The following MFHAS1 variants were observed in gnomAD, a reference collection of about 807,000 sequenced individuals.
The protein encoded by MFHAS1 is multifunctional ROCO family signaling regulator 1, also known as malignant fibrous histiocytoma-amplified sequence 1.
MFHAS1 carries 50 observed loss-of-function variants against 70.4 expected under a neutral mutation model. The ratio of observed to expected loss-of-function variants is 0.71; its 90% CI spans 0.57 to 0.90. MFHAS1 has a LOEUF of 0.90. Ranked by LOEUF, MFHAS1 falls within the 40% of genes least tolerant of loss-of-function variation. The pLI is 0.00. For synonymous variants in MFHAS1, 952 were observed against 620.0 expected, an observed-to-expected ratio of 1.54 and a Z score of -7.96; for missense variants, 1,795 against 1,347.6, an observed-to-expected ratio of 1.33 and a Z score of -5.20.
chr8:8,812,823 G>C (rs1407995346), intron 1 of MFHAS1, among the ~76,000 whole-genome samples: 1 of 152,074 alleles, frequency 6.6e-6, no homozygotes, highest in Middle Eastern at 3.4e-3. Context: ...TTAGAGTGCA[G>C]TGGAGTGATC....
At chr8:8,787,303 A>G (rs928053533) in intron 2 of MFHAS1, among the ~76,000 whole-genome samples, 2 of 152,032 alleles carry the variant, frequency 1.3e-5, no homozygotes, top group South Asian at 2.1e-4. Flanking sequence ...GATGATCTTG[A>G]TCTCCTGACC....
At position 8,890,463 on chromosome 8, in the gene MFHAS1, T is replaced by C; in HGVS notation, c.2596A>G (p.Asn866Asp). ...GACTGCCCAGCTAGGTTGGTCCCATTAATCCAGGCTTCTGCATGGGGCACC... is the reference window on the plus strand; with the variant it reads ...GACTGCCCAGCTAGGTTGGTCCCATCAATCCAGGCTTCTGCATGGGGCACC... ...NEVPHAEAWINGTNLAGQSFV... is the reference protein window; with the variant it reads ...NEVPHAEAWIDGTNLAGQSFV... The change falls in exon 1 of 3, where the codon AAT becomes GAT. Residue 866 changes from asparagine (N) to aspartate (D), a missense_variant. By Grantham distance (23) the Asn-to-Asp change is conservative (BLOSUM62 1). Coordinates refer to ENST00000276282, the MANE Select transcript of MFHAS1 (RefSeq NM_004225.3). The C allele has an allele frequency of 6.2e-6, 10 of 1,613,952 alleles. No homozygotes were observed. Among genetic ancestry groups the C allele is most frequent in the Non-Finnish European group, 7.6e-6 (9 of 1,180,038 alleles).
At chr8:8,786,087 A>T (rs769014511) in intron 2 of MFHAS1, 32 bp from the exon 3 acceptor site, 2 of 1,605,346 alleles carry the variant, frequency 1.2e-6, no homozygotes, top group Admixed American at 1.7e-5. Flanking sequence ...AAGCACAGAG[A>T]TGACAAAAAC....
At position 8,891,026 on chromosome 8, in the gene MFHAS1, C is replaced by G. The variant is rs199638952; in HGVS notation, c.2033G>C (p.Arg678Pro). Reference protein sequence around the residue: ...ELHFQPPQAQRLWLSWWDSAR... With the variant: ...ELHFQPPQAQPLWLSWWDSAR... ...CGAGTCCCACCAGCTTAGCCACAGT[C>G]GCTGGGCCTGAGGTGGCTGGAAATG... The change falls in exon 1 of 3, where the codon CGA becomes CCA. Residue 678 changes from arginine to proline, a missense_variant. Coordinates refer to ENST00000276282, the MANE Select transcript of MFHAS1 (RefSeq NM_004225.3). The surrounding 1 kb of genome is among the most constrained non-coding windows in gnomAD (Gnocchi z 5.4). 1.2e-6 allele frequency: 2 copies of G among 1,613,748 alleles called. No homozygotes were observed. The highest frequency in any genetic ancestry group is 4.5e-5 in the East Asian group (2 of 44,864).
At chr8:8,845,051 T>TACA (rs1488027186) in intron 1 of MFHAS1, among the ~76,000 whole-genome samples, 3 of 152,236 alleles carry the variant, frequency 2.0e-5, no homozygotes, top group Non-Finnish European at 4.4e-5. Context: ...TGGATTAAGA[T>TACA]ACAACTACCC....
chr8:8,866,197 T>A (rs1200263543), intron 1 of MFHAS1, among the ~76,000 whole-genome samples: 1 of 152,192 alleles, frequency 6.6e-6, no homozygotes, highest in Non-Finnish European at 1.5e-5. Context: ...AAAATCAGTG[T>A]CATTTTGCCT....
intron 1 of MFHAS1, among the ~76,000 whole-genome samples, chr8:8,848,143 C>A (rs1808102136): frequency 6.6e-6 from 1 of 152,332 alleles, no homozygotes; most frequent in Middle Eastern, 3.4e-3. Context: ...TGGCTAGTCC[C>A]TTTGCTTCTC....
intron 1 of MFHAS1, among the ~76,000 whole-genome samples, chr8:8,860,921 A>T (rs1808636433): frequency 6.6e-6 from 1 of 152,182 alleles, no homozygotes; most frequent in Non-Finnish European, 1.5e-5. Context: ...ACAACCACTT[A>T]TTTCATCACT....
intron 1 of MFHAS1, among the ~76,000 whole-genome samples, chr8:8,889,756 G>C (rs1393696171): frequency 1.3e-5 from 2 of 152,186 alleles, no homozygotes; most frequent in South Asian, 4.1e-4. Context: ...TCAACCACCT[G>C]AAATTTCCTT....
chr8:8,860,769 T>A (rs1808630303), intron 1 of MFHAS1, among the ~76,000 whole-genome samples: 1 of 152,326 alleles, frequency 6.6e-6, no homozygotes, highest in South Asian at 2.1e-4. Context: ...CAAGACCTTT[T>A]TTTCTCTTGA....
chr8:8,868,493 T>A (rs1211331045), intron 1 of MFHAS1, among the ~76,000 whole-genome samples: 1 of 151,492 alleles, frequency 6.6e-6, no homozygotes, highest in East Asian at 1.9e-4. Flanking sequence ...CAGCCCTTGG[T>A]AGACAGATGT....
In MFHAS1 at chr8:8,785,940, G is replaced by A; in HGVS notation, c.*82C>T. 7.2e-7 allele frequency: 1 copy of A among 1,384,120 alleles called. No individual in the cohort carries two copies. The highest frequency in any genetic ancestry group is 1.0e-6 in the Non-Finnish European group (1 of 984,974). 85.7% of individuals were successfully genotyped at this position (1,384,120 alleles called of 1,614,324 possible). On this transcript the variant is annotated 3_prime_UTR_variant, in exon 3 of 3. Transcript: ENST00000276282. ...GTTCACAGAACACGCTGGGGTGAGT[G>A]CAGAGGGTCTGCCAGGTGCAAAAGA...
rs149708133 is a variant in MFHAS1 at position 8,840,233 on chromosome 8, G to T, written c.2999-42742C>A. The stretch of plus-strand genomic sequence containing the variant: ...GCACTTTGGGAGGCCGAAGCGGGCA[G>T]ATCACTTGAGGTCAGGAGTTTCAGG... On this transcript the variant is annotated intron_variant, in intron 1 of 2. Transcript: ENST00000276282. Among the ~76,000 whole-genome samples, 724 of 152,274 alleles carry T rather than the reference G, an allele frequency of 4.8e-3. 4 individuals are homozygous for T. The highest frequency in any genetic ancestry group is 0.017 in the African/African-American group (696 of 41,564).
Position 8,892,488 on chromosome 8 carries a change from T to C in MFHAS1, c.571A>G (p.Asn191Asp), listed in dbSNP as rs1810104576. ...SRLRTLDVDH[N>D]QLTAFPRQLL... is the part of the protein sequence containing the mutation. ...TGCCGGGGGAAGGCAGTGAGCTGGT[T>C]GTGATCCACGTCCAGGGTGCGCAGG... The change falls in exon 1 of 3, where the codon AAC becomes GAC. Residue 191 changes from asparagine (N) to aspartate (D), a missense_variant. Asn to Asp is a conservative substitution (Grantham distance 23). Transcript: ENST00000276282. This position sits in a 1 kb window ranked among gnomAD's most constrained non-coding sequence, Gnocchi z 4.7. 2 of 1,606,070 alleles carry C rather than the reference T, an allele frequency of 1.2e-6. No individual in the cohort carries two copies. The highest frequency in any genetic ancestry group is 1.7e-6 in the Non-Finnish European group (2 of 1,176,410).
rs1805909337 is a variant in MFHAS1, at chr8:8,796,688, C to CAAAAAAAACAAAAAAA, written c.3125+676_3125+677insTTTTTTTGTTTTTTTT. ...GACAGAGCAAGACTCCGTCTCAAAA[C>CAAAAAAAACAAAAAAA]AAAAAAAAAAAAAAAGGCAAAAAAA... On this transcript the variant is annotated intron_variant, in intron 2 of 2. Transcript: ENST00000276282. Among the ~76,000 whole-genome samples, 4 of 24,774 alleles carry CAAAAAAAACAAAAAAA rather than the reference C, an allele frequency of 1.6e-4. 2 individuals are homozygous for CAAAAAAAACAAAAAAA. The highest frequency in any genetic ancestry group is 6.8e-4 in the African/African-American group (4 of 5,874). 16.3% of individuals were successfully genotyped at this position (24,774 alleles called of 152,430 possible). A position where few individuals can be genotyped will look rare whatever the true frequency, so the allele number is the denominator to read the frequency against.
chr8:8,834,966 C>T (rs968297088), intron 1 of MFHAS1, among the ~76,000 whole-genome samples: 4 of 152,094 alleles, frequency 2.6e-5, no homozygotes, highest in Non-Finnish European at 5.9e-5. Flanking sequence ...GTAGGTATCC[C>T]TTTTAACTTT....
chr8:8,859,657 T>C (rs1808587839), intron 1 of MFHAS1, among the ~76,000 whole-genome samples: 1 of 152,220 alleles, frequency 6.6e-6, no homozygotes, highest in Non-Finnish European at 1.5e-5. Context: ...TATTTCCTCT[T>C]CCTTACGGTT....
Position 8,891,506 on chromosome 8 carries a change from G to C in MFHAS1, c.1553C>G (p.Ser518Cys). ...TCTCGCCCCGACCCGATGCAAGAAG[G>C]AGCCCACGGTGGTAGGAAAGTGGCG... ...EPRHFPTTVG[S>C]FLHRVGARVP... The change falls in exon 1 of 3, where the codon TCC becomes TGC. Residue 518 changes from serine to cysteine, a missense_variant. Physicochemically the swap from Ser to Cys is moderately radical, Grantham distance 112 (BLOSUM62 -1). Transcript: ENST00000276282. The surrounding 1 kb of genome is among the most constrained non-coding windows in gnomAD (Gnocchi z 5.4). 6.2e-7 allele frequency: 1 copy of C among 1,613,116 alleles called. No homozygotes were observed. The highest frequency in any genetic ancestry group is 8.5e-7 in the Non-Finnish European group (1 of 1,180,038).
rs1468392219 is a variant in MFHAS1 at position 8,892,207 on chromosome 8, G to C, written c.852C>G (p.Leu284=). ...RLKMLNLSSN[L]FEEFPAALLP... is the part of the protein sequence containing the mutation. ...GCAGCGCGGCAGGGAACTCCTCGAA[G>C]AGGTTGGAGGAGAGGTTGAGCATTT... is the stretch of plus-strand genomic sequence containing the variant. Residue 284 remains leucine (L), a synonymous_variant, in exon 1 of 3, where the codon CTC becomes CTG. Transcript: ENST00000276282. This position sits in a 1 kb window ranked among gnomAD's most constrained non-coding sequence, Gnocchi z 4.7. 3.1e-6 allele frequency: 5 copies of C among 1,610,300 alleles called. No homozygotes were observed. In the East Asian group the frequency reaches 1.1e-4, roughly 36 times the overall value.
Sources: gnomAD v4.1 joint callset for allele counts (sites outside exome capture counted in the v4.1 genomes callset) on GRCh38, gnomAD v4.1.1 for gene constraint, Gnocchi (gnomAD v3.1) non-coding constraint, MANE v1.5 for transcripts, NCBI Gene and HGNC (gene_info 2026-07-23, HGNC 2026-07-21) for gene names.